ZFR: variants seen among roughly 807,000 people sequenced by gnomAD.
ZFR encodes the protein zinc finger RNA-binding protein.
In ZFR, 19 loss-of-function variants were observed where a neutral mutation model predicts 130.7. The ratio of observed to expected loss-of-function variants is 0.15; its 90% CI spans 0.10 to 0.21. ZFR has a LOEUF of 0.21. Ranked by LOEUF, ZFR falls within the 10% of genes least tolerant of loss-of-function variation. The probability of loss-of-function intolerance (pLI) is 1.00; values close to 1 mark genes in which losing one functional copy is unlikely to be tolerated. For missense variants in ZFR, 872 were observed against 1,321.5 expected (o/e 0.66, Z 5.27); for synonymous variants, 466 against 456.9 (o/e 1.02, Z -0.25).
intron 2 of ZFR, among the ~76,000 whole-genome samples, chr5:32,441,300 G>A (rs1478939426): frequency 2.0e-5 from 3 of 152,114 alleles, no homozygotes; most frequent in Non-Finnish European, 4.4e-5. Context: ...TTAGGTGTAG[G>A]ATGTTTACTT....
chr5:32,366,045 A>C (rs1752540284), intron 17 of ZFR, among the ~76,000 whole-genome samples: 2 of 152,330 alleles, frequency 1.3e-5, no homozygotes, highest in Non-Finnish European at 2.9e-5. Context: ...AAGACTTGAG[A>C]CCCTTGAGGA....
At chr5:32,358,572 G>C (rs186331732) in intron 19 of ZFR, among the ~76,000 whole-genome samples, 81 of 152,278 alleles carry the variant, frequency 5.3e-4, no homozygotes, top group Middle Eastern at 3.4e-3. Context: ...AGGCAGAATG[G>C]CATGAACCCC....
At chr5:32,402,039 A>T (rs1048249448) in intron 8 of ZFR, among the ~76,000 whole-genome samples, 1 of 152,242 alleles carries the variant, frequency 6.6e-6, no homozygotes, top group Non-Finnish European at 1.5e-5. Context: ...GCCATATAAA[A>T]GATGTCCAGG....
chr5:32,386,335 TA>T (rs1163285388), intron 14 of ZFR, among the ~76,000 whole-genome samples: 1 of 152,138 alleles, frequency 6.6e-6, no homozygotes, highest in Non-Finnish European at 1.5e-5. Context: ...ATCAACTATA[TA>T]AAGCACTTAC....
chr5:32,387,750 A>C, intron 13 of ZFR, 51 bp from the exon 14 acceptor site: 1 of 1,534,760 alleles, frequency 6.5e-7, no homozygotes, highest in Non-Finnish European at 8.8e-7. Context: ...AACCAGAAGC[A>C]TGATATTCTG....
chr5:32,407,086 A>C, intron 5 of ZFR, 65 bp from the exon 6 acceptor site: 1 of 1,314,944 alleles, frequency 7.6e-7, no homozygotes, highest in Non-Finnish European at 1.0e-6. Context: ...TAAAATTTAC[A>C]AATTTAAATT....
At chr5:32,444,203 A>T in intron 2 of ZFR, 26 bp downstream of exon 2, 1 of 1,592,816 alleles carries the variant, frequency 6.3e-7, no homozygotes. Flanking sequence ...CAAGGGGCGA[A>T]CAGAGAGAAG....
chr5:32,412,552 A>G lies in ZFR; in HGVS notation c.784+2417T>C, dbSNP rs139914820. ...CATACACCAAATACATACAAAGCCC[A>G]GCCATTAAATACATTTTTGGACAAC... On this transcript the variant is annotated intron_variant, in intron 5 of 19. Transcript: ENST00000265069. Among the ~76,000 whole-genome samples the G allele has an allele frequency of 1.5e-3, 225 of 152,350 alleles. 1 individual carries two copies. The highest frequency in any genetic ancestry group is 4.8e-3 in the African/African-American group (201 of 41,578).
intron 17 of ZFR, chr5:32,364,811 G>A (rs1182815326): frequency 6.6e-6 from 1 of 152,154 alleles, no homozygotes; most frequent in Non-Finnish European, 1.5e-5. Flanking sequence ...AGGGTCTCAT[G>A]ATAAAAATTT....
At chr5:32,403,766 A>G in intron 7 of ZFR, 140 bp downstream of exon 7, 2 of 697,516 alleles carry the variant, frequency 2.9e-6, no homozygotes, top group East Asian at 5.6e-5. Flanking sequence ...TGTCACCTTT[A>G]TGTATTATTA....
chr5:32,434,078 CAACA>C (rs902571382), intron 2 of ZFR, among the ~76,000 whole-genome samples: 2 of 152,136 alleles, frequency 1.3e-5, no homozygotes, highest in Non-Finnish European at 2.9e-5. Context: ...CTCAAAACAA[CAACA>C]AAAAGGTGAA....
At chr5:32,409,732 T>G (rs533055752) in intron 5 of ZFR, among the ~76,000 whole-genome samples, 4 of 152,332 alleles carry the variant, frequency 2.6e-5, no homozygotes, top group Middle Eastern at 6.8e-3. Flanking sequence ...CATGGTTGAT[T>G]GAATCCATGG....
At chr5:32,380,314 C>A in intron 15 of ZFR, 142 bp from the exon 16 acceptor site, 2 of 525,648 alleles carry the variant, frequency 3.8e-6, no homozygotes, top group Non-Finnish European at 7.0e-6. Flanking sequence ...GAGTTATTTT[C>A]AATAAATTTA....
intron 17 of ZFR, among the ~76,000 whole-genome samples, chr5:32,378,730 C>G (rs1334363618): frequency 6.6e-6 from 1 of 151,710 alleles, no homozygotes; most frequent in Non-Finnish European, 1.5e-5. Context: ...ATATGTATTT[C>G]TGAATTTTTA....
Position 32,444,211 on chromosome 5 carries a change from A to AAG in ZFR, c.137+16_137+17dup. The AAG allele has an allele frequency of 6.3e-7, 1 of 1,594,402 alleles. No individual in the cohort carries two copies. The highest frequency in any genetic ancestry group is 8.5e-7 in the Non-Finnish European group (1 of 1,171,616). ...GGGAGAGCAAGGGGCGAACAGAGAG[A>AAG]AGGCAGGATGCCGTTACCTATATTG... On this transcript the variant is annotated intron_variant, in intron 2 of 19. Transcript: ENST00000265069.
At chr5:32,442,774 T>A (rs1754502582) in intron 2 of ZFR, among the ~76,000 whole-genome samples, 1 of 152,220 alleles carries the variant, frequency 6.6e-6, no homozygotes, top group African/African-American at 2.4e-5. Flanking sequence ...AATGGCATCT[T>A]AGGATGCCAT....
intron 17 of ZFR, among the ~76,000 whole-genome samples, chr5:32,365,456 A>G (rs1018924879): frequency 5.9e-5 from 9 of 152,198 alleles, no homozygotes; most frequent in Non-Finnish European, 4.4e-5. Flanking sequence ...CACGATTGGA[A>G]AAAACCTGAA....
chr5:32,383,208 C>T (rs756732867), intron 15 of ZFR, among the ~76,000 whole-genome samples: 3 of 152,140 alleles, frequency 2.0e-5, no homozygotes, highest in Non-Finnish European at 4.4e-5. Flanking sequence ...CAATAAATGC[C>T]AGGCTCTGCA....
chr5:32,415,505 T>C (rs1561908220), intron 4 of ZFR, among the ~76,000 whole-genome samples: 2 of 93,864 alleles, frequency 2.1e-5, no homozygotes, highest in Non-Finnish European at 4.3e-5. Context: ...TGTGTGTGTG[T>C]GTGTGTGTGT....
Sources: gnomAD v4.1 joint callset for allele counts (sites outside exome capture counted in the v4.1 genomes callset) on GRCh38, gnomAD v4.1.1 for gene constraint, MANE v1.5 for transcripts, NCBI Gene and HGNC (gene_info 2026-07-23, HGNC 2026-07-21) for gene names.